SLC25A37: variants seen among roughly 807,000 people sequenced by gnomAD.
SLC25A37 encodes solute carrier family 25 member 37.
In SLC25A37, 17 loss-of-function variants were observed where a neutral mutation model predicts 31.0. The observed-to-expected ratio is 0.55, with a 90% CI of 0.38 to 0.82. The LOEUF is 0.82. Ranked by LOEUF, SLC25A37 falls within the 40% of genes least tolerant of loss-of-function variation. SLC25A37 has a pLI of 0.00. For missense variants in SLC25A37, 404 were observed against 465.8 expected (o/e 0.87, Z 1.22); for synonymous variants, 222 against 193.0 (o/e 1.15, Z -1.24).
intron 1 of SLC25A37, among the ~76,000 whole-genome samples, chr8:23,542,791 A>C (rs949013439): frequency 6.6e-6 from 1 of 151,800 alleles, no homozygotes; most frequent in African/African-American, 2.4e-5. Context: ...GCATTGGGAC[A>C]AGATGTGGAG....
chr8:23,566,955 C>A, intron 2 of SLC25A37: 10 of 506,644 alleles, frequency 2.0e-5, no homozygotes, highest in Non-Finnish European at 2.3e-5. Context: ...GGGCTGAAAT[C>A]ATTTTGTTTG....
At chr8:23,548,424 C>T (rs939057616) in intron 1 of SLC25A37, among the ~76,000 whole-genome samples, 20 of 151,262 alleles carry the variant, frequency 1.3e-4, no homozygotes, top group Non-Finnish European at 2.4e-4. Context: ...GTGATCCACC[C>T]GCCTTGGCCT....
chr8:23,557,291 C>T (rs549380311), intron 1 of SLC25A37, among the ~76,000 whole-genome samples: 239 of 152,142 alleles, frequency 1.6e-3, no homozygotes, highest in Non-Finnish European at 1.8e-3. Context: ...GGACGGGGAA[C>T]GGGTGGTTTT....
At chr8:23,531,792 T>A (rs552673981) in intron 1 of SLC25A37, 33 of 152,374 alleles carry the variant, frequency 2.2e-4, no homozygotes, top group African/African-American at 7.2e-4. Flanking sequence ...CTTCCCATTA[T>A]AATATTAAAT....
chr8:23,561,663 C>T (rs2942201), intron 1 of SLC25A37, among the ~76,000 whole-genome samples: 2 of 152,026 alleles, frequency 1.3e-5, no homozygotes, highest in Admixed American at 6.5e-5. Flanking sequence ...CTCCATAGGT[C>T]ACCAGGGGTA....
At chr8:23,538,194 A>G (rs1801810482) in intron 1 of SLC25A37, among the ~76,000 whole-genome samples, 2 of 151,914 alleles carry the variant, frequency 1.3e-5, no homozygotes, top group Non-Finnish European at 2.9e-5. Context: ...CAGCCTGGCC[A>G]ACATGGCAAA....
chr8:23,563,708 G>A (rs1802574490), intron 1 of SLC25A37, among the ~76,000 whole-genome samples: 1 of 152,214 alleles, frequency 6.6e-6, no homozygotes, highest in Non-Finnish European at 1.5e-5. Flanking sequence ...CTGGCCGGGT[G>A]CAGTGGCTCA....
At chr8:23,535,590 G>C (rs1388352816) in intron 1 of SLC25A37, among the ~76,000 whole-genome samples, 1 of 152,164 alleles carries the variant, frequency 6.6e-6, no homozygotes, top group African/African-American at 2.4e-5. Context: ...CTAAGCTCAG[G>C]TTCCTTCTCT....
intron 1 of SLC25A37, among the ~76,000 whole-genome samples, chr8:23,564,914 A>C (rs1469487784): frequency 1.3e-5 from 2 of 151,992 alleles, no homozygotes; most frequent in Admixed American, 6.5e-5. Context: ...CTACCTACCT[A>C]CCTATCTGTC....
At chr8:23,560,229 C>T (rs1448460185) in intron 1 of SLC25A37, among the ~76,000 whole-genome samples, 1 of 152,114 alleles carries the variant, frequency 6.6e-6, no homozygotes, top group African/African-American at 2.4e-5. Context: ...GATCGTGCCA[C>T]TGCACTCTAG....
At chr8:23,550,513 C>T (rs546223568) in intron 1 of SLC25A37, among the ~76,000 whole-genome samples, 16 of 152,350 alleles carry the variant, frequency 1.1e-4, no homozygotes, top group Non-Finnish European at 1.6e-4. Flanking sequence ...GTGTGGCCTC[C>T]GCCAAGGGCG....
chr8:23,542,673 CT>C (rs1463644166), intron 1 of SLC25A37, among the ~76,000 whole-genome samples: 1 of 130,628 alleles, frequency 7.7e-6, no homozygotes, highest in Admixed American at 9.2e-5. Context: ...GCCACCGCCC[CT>C]GGCCTTTTTT....
intron 1 of SLC25A37, among the ~76,000 whole-genome samples, chr8:23,565,702 A>C (rs1802634544): frequency 6.6e-6 from 1 of 152,218 alleles, no homozygotes; most frequent in African/African-American, 2.4e-5. Flanking sequence ...GCACCACAGG[A>C]CAATTCTACA....
intron 1 of SLC25A37, among the ~76,000 whole-genome samples, chr8:23,547,391 G>T (rs1204952314): frequency 6.6e-6 from 1 of 152,182 alleles, no homozygotes; most frequent in African/African-American, 2.4e-5. Context: ...AGGGTGAATT[G>T]TAATTAGCTT....
At chr8:23,551,728 C>T (rs1164566719) in intron 1 of SLC25A37, among the ~76,000 whole-genome samples, 6 of 152,094 alleles carry the variant, frequency 3.9e-5, no homozygotes, top group Non-Finnish European at 8.8e-5. Context: ...GGGCAGAGAA[C>T]TGAAGTGAGT....
Position 23,529,232 on chromosome 8 carries a change from C to A in SLC25A37, c.210+20C>A. The A allele has an allele frequency of 1.3e-6, 2 of 1,597,050 alleles. No homozygotes were observed. Among genetic ancestry groups the A allele is most frequent in the Non-Finnish European group, 1.7e-6 (2 of 1,172,898 alleles). ...GTGAAGGTGAGGCGCGGGGAGACTT[C>A]GGGGACGCAACGAGCGGAGAAGGAG... On this transcript the variant is annotated intron_variant, in intron 1 of 3. Transcript: ENST00000519973. The surrounding 1 kb of genome is among the most constrained non-coding windows in gnomAD (Gnocchi z 4.1).
At chr8:23,569,120 C>A (rs1278014902) in intron 3 of SLC25A37, among the ~76,000 whole-genome samples, 3 of 151,994 alleles carry the variant, frequency 2.0e-5, no homozygotes. Flanking sequence ...AAAAATTAGC[C>A]AGGTGTGGTG....
At chr8:23,545,767 G>C (rs1174559663) in intron 1 of SLC25A37, among the ~76,000 whole-genome samples, 2 of 152,216 alleles carry the variant, frequency 1.3e-5, no homozygotes, top group African/African-American at 4.8e-5. Context: ...AGGAGGCTGA[G>C]GCAGGGGGAT....
chr8:23,548,539 C>G (rs536816450), intron 1 of SLC25A37, among the ~76,000 whole-genome samples: 18 of 144,094 alleles, frequency 1.2e-4, no homozygotes, highest in African/African-American at 4.8e-4. Context: ...GGCGCAATGT[C>G]GGCTCACTGT....
Sources: gnomAD v4.1 joint callset for allele counts (sites outside exome capture counted in the v4.1 genomes callset) on GRCh38, gnomAD v4.1.1 for gene constraint, Gnocchi (gnomAD v3.1) non-coding constraint, MANE v1.5 for transcripts, NCBI Gene and HGNC (gene_info 2026-07-23, HGNC 2026-07-21) for gene names.